The following MYO5B variants were observed in gnomAD, a reference collection of about 807,000 sequenced individuals.
MYO5B encodes myosin VB, also known as unconventional myosin-Vb.
MYO5B carries 143 observed loss-of-function variants against 229.3 expected under a neutral mutation model. The observed-to-expected ratio is 0.62, with a 90% confidence interval of 0.54 to 0.72. The LOEUF is 0.72. Among genes scored for constraint, MYO5B ranks in the 30% least tolerant of loss-of-function variants. The pLI is 0.00. For synonymous variants in MYO5B, 918 were observed against 885.2 expected, an observed-to-expected ratio of 1.04 and a Z score of -0.66; for missense variants, 2,321 against 2,331.0, an observed-to-expected ratio of 1.00 and a Z score of 0.09.
intron 1 of MYO5B, among the ~76,000 whole-genome samples, chr18:50,189,664 T>G (rs2033201111): frequency 6.6e-6 from 1 of 152,202 alleles, no homozygotes; most frequent in South Asian, 2.1e-4. Context: ...CAAGTCCTCA[T>G]GTCTTTAACA....
At chr18:50,025,838 A>G (rs1430316574) in intron 4 of MYO5B, among the ~76,000 whole-genome samples, 2 of 152,154 alleles carry the variant, frequency 1.3e-5, no homozygotes, top group Non-Finnish European at 2.9e-5. Flanking sequence ...ATCACTGCAT[A>G]TGTGGCTTTA....
chr18:49,943,207 G>A (rs2025335970), intron 14 of MYO5B, among the ~76,000 whole-genome samples: 1 of 122,086 alleles, frequency 8.2e-6, no homozygotes, highest in African/African-American at 3.1e-5. Flanking sequence ...CACACACTGG[G>A]GACTGTTGTG....
At chr18:49,862,373 C>T (rs1368564781) in intron 29 of MYO5B, among the ~76,000 whole-genome samples, 1 of 152,196 alleles carries the variant, frequency 6.6e-6, no homozygotes, top group Non-Finnish European at 1.5e-5. Flanking sequence ...GGCAGTAACA[C>T]TCATCATGTG....
intron 19 of MYO5B, among the ~76,000 whole-genome samples, chr18:49,905,502 G>A (rs2024889368): frequency 6.6e-6 from 1 of 152,144 alleles, no homozygotes; most frequent in South Asian, 2.1e-4. Flanking sequence ...GAGACTCAGT[G>A]TGAAATGCTA....
intron 35 of MYO5B, chr18:49,840,331 T>A (rs1353491676): frequency 6.6e-6 from 1 of 152,266 alleles, no homozygotes; most frequent in Non-Finnish European, 1.5e-5. Context: ...GCTATTTCTT[T>A]AACCTTTGGC....
chr18:50,034,108 AT>A (rs2026421807), intron 4 of MYO5B, among the ~76,000 whole-genome samples: 1 of 152,190 alleles, frequency 6.6e-6, no homozygotes, highest in African/African-American at 2.4e-5. Context: ...AAAACTATTA[AT>A]GTTAGTTTCT....
chr18:50,065,084 T>C (rs1400592951), intron 1 of MYO5B, among the ~76,000 whole-genome samples: 3 of 152,238 alleles, frequency 2.0e-5, no homozygotes, highest in Non-Finnish European at 4.4e-5. Context: ...CTCTCAATTT[T>C]CCTTCCACAG....
At chr18:50,049,071 G>C (rs1216022583) in intron 2 of MYO5B, among the ~76,000 whole-genome samples, 1 of 150,040 alleles carries the variant, frequency 6.7e-6, no homozygotes, top group South Asian at 2.1e-4. Context: ...CAGAGACTCA[G>C]ATACAAGGGT....
chr18:49,952,513 C>G (rs2025441097), intron 14 of MYO5B, among the ~76,000 whole-genome samples: 2 of 152,222 alleles, frequency 1.3e-5, no homozygotes, highest in Non-Finnish European at 2.9e-5. Flanking sequence ...TGCCCACTCA[C>G]AGCCCATTAG....
At chr18:49,887,232 A>T (rs1464022651) in intron 22 of MYO5B, among the ~76,000 whole-genome samples, 1 of 151,982 alleles carries the variant, frequency 6.6e-6, no homozygotes, top group Non-Finnish European at 1.5e-5. Context: ...AGGACTGGAG[A>T]TTTCAGGACC....
chr18:50,166,767 T>C (rs540836956), intron 1 of MYO5B, among the ~76,000 whole-genome samples: 1 of 152,202 alleles, frequency 6.6e-6, no homozygotes, highest in South Asian at 2.1e-4. Flanking sequence ...ATATGGAAAA[T>C]ACCACTGAGA....
intron 4 of MYO5B, among the ~76,000 whole-genome samples, chr18:50,035,786 C>G (rs962552154): frequency 6.6e-6 from 1 of 152,210 alleles, no homozygotes; most frequent in Middle Eastern, 3.2e-3. Context: ...AGTTACAGAT[C>G]ATTCTGTTTA....
intron 5 of MYO5B, among the ~76,000 whole-genome samples, chr18:49,998,180 T>C (rs1407370418): frequency 6.6e-6 from 1 of 152,166 alleles, no homozygotes. Flanking sequence ...CCAAGACTTC[T>C]CTCAAACATA....
intron 1 of MYO5B, among the ~76,000 whole-genome samples, chr18:50,192,525 G>A (rs992230112): frequency 1.3e-5 from 2 of 152,196 alleles, no homozygotes; most frequent in African/African-American, 4.8e-5. Flanking sequence ...GAAGACATCT[G>A]CTTATTATGA....
intron 14 of MYO5B, among the ~76,000 whole-genome samples, chr18:49,939,748 C>T (rs539157627): frequency 6.6e-5 from 10 of 152,240 alleles, no homozygotes; most frequent in Admixed American, 2.0e-4. Context: ...TGTTTCAATA[C>T]AGAAATATAG....
intron 21 of MYO5B, among the ~76,000 whole-genome samples, chr18:49,896,966 G>C (rs1359863074): frequency 6.6e-6 from 1 of 152,202 alleles, no homozygotes; most frequent in Non-Finnish European, 1.5e-5. Context: ...TGGTTATCAA[G>C]ATTAGGGAGA....
intron 4 of MYO5B, among the ~76,000 whole-genome samples, chr18:50,024,026 T>G (rs1028928868): frequency 2.6e-5 from 4 of 152,214 alleles, no homozygotes; most frequent in Admixed American, 6.5e-5. Flanking sequence ...GACAAAATTG[T>G]AGAAGTGACA....
chr18:49,914,474 T>C (rs1488244816), intron 17 of MYO5B, among the ~76,000 whole-genome samples: 1 of 152,044 alleles, frequency 6.6e-6, no homozygotes, highest in East Asian at 1.9e-4. Context: ...AAAAATGTTG[T>C]CCAAAGAAAC....
At position 49,823,677 on chromosome 18, in the gene MYO5B, C is replaced by G. The variant is rs1207468473; in HGVS notation, c.*2794G>C. On this transcript the variant is annotated 3_prime_UTR_variant, in exon 40 of 40. Transcript: ENST00000285039. ...TTCATGGAAAGGGGAAAAACATCTA[C>G]CTTTGGGTCTAATCTGCCTCCCAGG... 1 of 152,180 alleles carries G rather than the reference C, an allele frequency of 6.6e-6. No individual in the cohort carries two copies. Among genetic ancestry groups the G allele is most frequent in the Non-Finnish European group, 1.5e-5 (1 of 68,042 alleles). The allele number at this position is 152,180 out of a possible 1,614,324, so 9.4% of individuals were successfully genotyped here.
Sources: allele counts gnomAD v4.1 joint callset (sites outside exome capture counted in the v4.1 genomes callset), GRCh38; gene constraint gnomAD v4.1.1; transcripts MANE v1.5; gene names NCBI Gene and HGNC (gene_info 2026-07-23, HGNC 2026-07-21).